Variants in ALG13 observed in about 807,000 individuals in gnomAD.
The protein encoded by ALG13 is UDP-N-acetylglucosamine transferase subunit ALG13.
ALG13 carries 11 observed loss-of-function variants against 87.8 expected under a neutral mutation model. The ratio of observed to expected loss-of-function variants is 0.13; its 90% CI spans 0.08 to 0.21. ALG13 has a LOEUF of 0.21. Among genes scored for constraint, ALG13 ranks in the 10% least tolerant of loss-of-function variants. ALG13 has a pLI of 1.00. For synonymous variants in ALG13, 320 were observed against 306.3 expected, an observed-to-expected ratio of 1.04 and a Z score of -0.47; for missense variants, 756 against 866.1, an observed-to-expected ratio of 0.87 and a Z score of 1.60.
intron 3 of ALG13, among the ~76,000 whole-genome samples, chrX:111,698,056 T>G (rs1937209476): frequency 8.9e-6 from 1 of 112,262 alleles, no homozygotes; most frequent in Non-Finnish European, 1.9e-5. Context: ...TATACAAGGC[T>G]TACAACAAGA....
chrX:111,722,050 G>A (rs1230536571), intron 12 of ALG13, among the ~76,000 whole-genome samples: 1 of 111,969 alleles, frequency 8.9e-6, no homozygotes, highest in Non-Finnish European at 1.9e-5. Flanking sequence ...GGTTAGGCCT[G>A]TGGGTCAAAT....
At chrX:111,749,029 G>A (rs1210735459) in intron 24 of ALG13, among the ~76,000 whole-genome samples, 3 of 110,902 alleles carry the variant, frequency 2.7e-5, no homozygotes, top group African/African-American at 9.9e-5. Context: ...GTTGTACTGA[G>A]CCGAGATCAT....
chrX:111,684,739 T>C (rs1192582610), intron 2 of ALG13, among the ~76,000 whole-genome samples: 1 of 112,476 alleles, frequency 8.9e-6, no homozygotes, highest in Admixed American at 9.4e-5. Context: ...GGCCATAATG[T>C]CATCATCAGT....
intron 12 of ALG13, among the ~76,000 whole-genome samples, chrX:111,722,540 A>G (rs1473500607): frequency 8.9e-6 from 1 of 112,428 alleles, no homozygotes; most frequent in African/African-American, 3.2e-5. Context: ...GTGTTTGACT[A>G]TCTCTGATTA....
chrX:111,710,687 T>C (rs141572122), intron 5 of ALG13, among the ~76,000 whole-genome samples: 2 of 111,648 alleles, frequency 1.8e-5, no homozygotes, highest in East Asian at 2.8e-4. Flanking sequence ...AATTGTGCAG[T>C]TTATTGTATG....
In ALG13 at chrX:111,681,856, C is replaced by T. The variant is rs976782218; in HGVS notation, c.82-276C>T. On this transcript the variant is annotated intron_variant, in intron 1 of 26. Coordinates refer to ENST00000394780, the MANE Select transcript of ALG13 (RefSeq NM_001099922.3). ...GGCAGAACGGGTAGTGCCTGGGTTC[C>T]CCCCGAGTTTGCGACTCCTTTTCCA... The T allele has an allele frequency of 7.5e-5, 67 of 892,787 alleles. 1 individual carries two copies. In the African/African-American group the frequency reaches 1.2e-3, roughly 16 times the overall value. 73.6% of individuals were successfully genotyped at this position (892,787 alleles called of 1,213,427 possible).
chrX:111,731,658 G>A (rs1391631436), intron 21 of ALG13, among the ~76,000 whole-genome samples: 1 of 112,189 alleles, frequency 8.9e-6, no homozygotes, highest in Non-Finnish European at 1.9e-5. Flanking sequence ...GTTCTGGCTC[G>A]TGATTTCTTT....
At chrX:111,717,324 T>C (rs926027890) in intron 8 of ALG13, among the ~76,000 whole-genome samples, 1 of 111,610 alleles carries the variant, frequency 9.0e-6, no homozygotes, top group African/African-American at 3.3e-5. Context: ...GAAGTCTCTC[T>C]AGCAGTATTG....
chrX:111,681,720 G>T (rs1329364611), intron 1 of ALG13: 1 of 838,311 alleles, frequency 1.2e-6, no homozygotes, highest in Non-Finnish European at 1.4e-6. Context: ...AGCCGAGCTC[G>T]CCTCAGAGCC....
At position 111,744,779 on chromosome X, in the gene ALG13, C is replaced by G. The variant is rs1311564171; in HGVS notation, c.2807C>G (p.Pro936Arg). Residue 936 changes from proline (P) to arginine (R), a missense_variant, in exon 24 of 27, where the codon CCT becomes CGT. Pro to Arg is a moderately radical substitution (Grantham distance 103). This residue lies in a region of ALG13 where 362 missense variants were observed against 383.5 expected (regional missense o/e 0.94). Transcript: ENST00000394780. Reference protein sequence around the residue: ...PPPPPPPPPPPPPPPPPPPPA... With the variant: ...PPPPPPPPPPRPPPPPPPPPA... ...CCACCACCACCACCACCTCCTCCTC[C>G]TCCTCCTCCTCCTCCTCCTCCTCCT... is the stretch of plus-strand genomic sequence containing the variant. 1.8e-6 allele frequency: 2 copies of G among 1,102,562 alleles called. No homozygotes were observed. The highest frequency in any genetic ancestry group is 2.4e-6 in the Non-Finnish European group (2 of 839,419). 90.9% of individuals were successfully genotyped at this position (1,102,562 alleles called of 1,213,427 possible).
intron 3 of ALG13, among the ~76,000 whole-genome samples, chrX:111,699,129 T>C (rs1937388098): frequency 8.9e-6 from 1 of 112,250 alleles, no homozygotes; most frequent in South Asian, 3.7e-4. Context: ...CATTTTTTCA[T>C]GTACTTGTTT....
At chrX:111,730,902 TGCTC>T (rs1250811670) in intron 21 of ALG13, among the ~76,000 whole-genome samples, 1 of 112,329 alleles carries the variant, frequency 8.9e-6, no homozygotes, top group Non-Finnish European at 1.9e-5. Flanking sequence ...TAGAAGGGCT[TGCTC>T]AGGTACTTAG....
intron 3 of ALG13, among the ~76,000 whole-genome samples, chrX:111,701,061 C>T (rs758437787): frequency 1.8e-5 from 2 of 111,059 alleles, no homozygotes; most frequent in East Asian, 5.7e-4. Flanking sequence ...CAGGATAAAT[C>T]CCACTTGAGC....
chrX:111,760,583 C>T lies in ALG13; in HGVS notation c.*584C>T, dbSNP rs1053598334. 1.8e-5 allele frequency: 2 copies of T among 112,808 alleles called. No homozygotes were observed. The highest frequency in any genetic ancestry group is 6.5e-5 in the African/African-American group (2 of 30,939). 9.3% of individuals were successfully genotyped at this position (112,808 alleles called of 1,213,427 possible). A position where few individuals can be genotyped will look rare whatever the true frequency, so the allele number is the denominator to read the frequency against. ...GGATGTATGTAAGTGTTTTACTGCACTGTATTGAATTGGTGTCTTTTGCAC... is the reference window on the plus strand; with the variant it reads ...GGATGTATGTAAGTGTTTTACTGCATTGTATTGAATTGGTGTCTTTTGCAC... On this transcript the variant is annotated 3_prime_UTR_variant, in exon 27 of 27. Transcript: ENST00000394780.
chrX:111,687,176 C>T (rs1935180267), intron 3 of ALG13, among the ~76,000 whole-genome samples: 1 of 111,873 alleles, frequency 8.9e-6, no homozygotes, highest in Non-Finnish European at 1.9e-5. Flanking sequence ...AACTCCTGAC[C>T]TTAGGTGATC....
At position 111,708,306 on chromosome X, in the gene ALG13, A is replaced by T. The variant is rs1209185101; in HGVS notation, c.663A>T (p.Ser221=). 1.7e-6 allele frequency: 2 copies of T among 1,211,835 alleles called. No individual in the cohort carries two copies. The highest frequency in any genetic ancestry group is 2.2e-6 in the Non-Finnish European group (2 of 895,403). The stretch of plus-strand genomic sequence containing the variant: ...GCCAGAAGTCTTTGAATGAGGCATC[A>T]ATGGATGAATATTTAGGCAGCTTAG... ...YCSQKSLNEA[S]MDEYLGSLGL... is the part of the protein sequence containing the mutation. Residue 221 remains serine (S), a synonymous_variant, in exon 4 of 27, where the codon TCA becomes TCT. Coordinates refer to ENST00000394780, the MANE Select transcript of ALG13 (RefSeq NM_001099922.3).
At chrX:111,681,707 G>A (rs1602465595) in intron 1 of ALG13, 11 of 843,910 alleles carry the variant, frequency 1.3e-5, no homozygotes, top group Non-Finnish European at 1.4e-5. Flanking sequence ...CGGCGTCTGA[G>A]CCAGCCGAGC....
intron 1 of ALG13, chrX:111,681,582 C>G: frequency 2.1e-6 from 2 of 947,846 alleles, no homozygotes; most frequent in South Asian, 6.3e-5. Context: ...GCGCTCTATT[C>G]TCCGCCTCCG....
chrX:111,731,151 A>G lies in ALG13; in HGVS notation c.2457+571A>G, dbSNP rs745559457. Among the ~76,000 whole-genome samples the G allele has an allele frequency of 4.5e-5, 5 of 112,138 alleles. No individual in the cohort carries two copies. In the South Asian group the frequency reaches 1.9e-3, roughly 42 times the overall value. Reference sequence around the variant, plus strand: ...TTGCCCTCCCTCTCATAGGCAGAATACTTGTTTCTGTCTCAAAGGAGGCAT... The same window carrying G: ...TTGCCCTCCCTCTCATAGGCAGAATGCTTGTTTCTGTCTCAAAGGAGGCAT... On this transcript the variant is annotated intron_variant, in intron 21 of 26. Coordinates refer to ENST00000394780, the MANE Select transcript of ALG13 (RefSeq NM_001099922.3).
Sources: gnomAD v4.1 joint callset for allele counts (sites outside exome capture counted in the v4.1 genomes callset) on GRCh38, gnomAD v4.1.1 for gene constraint, gnomAD v4.1.1 regional missense constraint, MANE v1.5 for transcripts, NCBI Gene and HGNC (gene_info 2026-07-23, HGNC 2026-07-21) for gene names.